Variants in SDCCAG8 observed in about 807,000 individuals in gnomAD.
SDCCAG8 encodes the protein SHH signaling and ciliogenesis regulator SDCCAG8, also known as serologically defined colon cancer antigen 8.
SDCCAG8 carries 74 observed loss-of-function variants against 101.8 expected under a neutral mutation model. The observed-to-expected ratio is 0.73, with a 90% CI of 0.60 to 0.88. SDCCAG8 has a LOEUF of 0.88. Among genes scored for constraint, SDCCAG8 ranks in the 40% least tolerant of loss-of-function variants. The pLI is 0.00. For synonymous variants in SDCCAG8, 281 were observed against 292.9 expected, an observed-to-expected ratio of 0.96 and a Z score of 0.41; for missense variants, 787 against 822.6, an observed-to-expected ratio of 0.96 and a Z score of 0.53.
chr1:243,423,118 G>C (rs2081119281), intron 15 of SDCCAG8, among the ~76,000 whole-genome samples: 1 of 151,854 alleles, frequency 6.6e-6, no homozygotes, highest in Non-Finnish European at 1.5e-5. Flanking sequence ...AAGTTGGTAG[G>C]CAAATTACAA....
Position 243,475,881 on chromosome 1 carries a change from T to C in SDCCAG8, c.1986-13133T>C, listed in dbSNP as rs576902507. 67 of 966,874 alleles carry C rather than the reference T, an allele frequency of 6.9e-5. 1 individual carries two copies. The South Asian group carries it at 3.1e-3, about 45-fold the overall frequency. The allele number at this position is 966,874 out of a possible 1,614,324, so 59.9% of individuals were successfully genotyped here. A position where few individuals can be genotyped will look rare whatever the true frequency, so the allele number is the denominator to read the frequency against. ...TGCCACTCCTCAAAAAGCAAAATTT[T>C]GCAGCCCAAATATTAAAAATTGACT... On this transcript the variant is annotated intron_variant, in intron 16 of 17. Coordinates refer to ENST00000366541, the MANE Select transcript of SDCCAG8 (RefSeq NM_006642.5).
At chr1:243,492,715 C>G (rs1387214998) in intron 17 of SDCCAG8, among the ~76,000 whole-genome samples, 3 of 144,262 alleles carry the variant, frequency 2.1e-5, no homozygotes, top group African/African-American at 7.8e-5. Context: ...TCAAGCAATT[C>G]TCCTGCCTCA....
chr1:243,340,705 C>A (rs186715424), intron 10 of SDCCAG8, among the ~76,000 whole-genome samples: 204 of 152,276 alleles, frequency 1.3e-3, no homozygotes, highest in African/African-American at 4.4e-3. Flanking sequence ...TTCTGTATCT[C>A]CTCTGAATTT....
chr1:243,256,103 T>A lies in SDCCAG8; in HGVS notation c.-71T>A. 2 of 1,458,958 alleles carry A rather than the reference T, an allele frequency of 1.4e-6. No individual in the cohort carries two copies. Among genetic ancestry groups the A allele is most frequent in the South Asian group, 1.1e-5 (1 of 87,946 alleles). 90.4% of individuals were successfully genotyped at this position (1,458,958 alleles called of 1,614,324 possible). A position where few individuals can be genotyped will look rare whatever the true frequency, so the allele number is the denominator to read the frequency against. On this transcript the variant is annotated 5_prime_UTR_variant, in exon 1 of 18. Transcript: ENST00000366541. ...GGCGGGCGCTCCCCGGCCACAGGCC[T>A]GTTGTTCTCGGAAGGGAGAAAGCTG...
chr1:243,417,773 T>C lies in SDCCAG8; in HGVS notation c.1745-195T>C, dbSNP rs73120310. On this transcript the variant is annotated intron_variant, in intron 14 of 17. Coordinates refer to ENST00000366541, the MANE Select transcript of SDCCAG8 (RefSeq NM_006642.5). ...GAAAAATGTTTCTGGTGTATAATTA[T>C]GTTGAAAATAAATGACTCCCAAGAT... Among the ~76,000 whole-genome samples the C allele has an allele frequency of 0.029, 4,436 of 152,282 alleles. 143 individuals are homozygous for C. Among genetic ancestry groups the C allele is most frequent in the African/African-American group, 0.074 (3,091 of 41,558 alleles).
chr1:243,313,786 T>C (rs1032261747), intron 8 of SDCCAG8, among the ~76,000 whole-genome samples: 2 of 152,190 alleles, frequency 1.3e-5, no homozygotes, highest in Middle Eastern at 3.2e-3. Flanking sequence ...GGGCTGGACC[T>C]GTGGATTGCG....
chr1:243,364,516 A>G (rs2076887174), intron 12 of SDCCAG8, among the ~76,000 whole-genome samples: 1 of 152,184 alleles, frequency 6.6e-6, no homozygotes, highest in Admixed American at 6.5e-5. Flanking sequence ...GTAGGTAGGT[A>G]GGTAGAGAGA....
intron 8 of SDCCAG8, 74 bp from the exon 9 acceptor site, chr1:243,316,681 T>C: frequency 6.9e-6 from 11 of 1,588,684 alleles, no homozygotes; most frequent in Non-Finnish European, 9.5e-6. Context: ...ATATTAATGC[T>C]TTTCTCTCCC....
Position 243,458,534 on chromosome 1 carries a change from TAACC to T in SDCCAG8, c.1986-30478_1986-30475del, listed in dbSNP as rs1658313779. Among the ~76,000 whole-genome samples the T allele has an allele frequency of 6.6e-6, 1 of 152,168 alleles. No individual in the cohort carries two copies. The highest frequency in any genetic ancestry group is 1.9e-4 in the East Asian group (1 of 5,202). On this transcript the variant is annotated intron_variant, in intron 16 of 17. Transcript: ENST00000366541. The surrounding 1 kb of genome is among the most constrained non-coding windows in gnomAD (Gnocchi z 4.5). ...ACCTTTTAAACCCACTGAATTTTCA[TAACC>T]ACCACATGAAGCGAGTACTAGCAAT...
chr1:243,471,079 G>A (rs1661175327), intron 16 of SDCCAG8, among the ~76,000 whole-genome samples: 1 of 152,142 alleles, frequency 6.6e-6, no homozygotes, highest in South Asian at 2.1e-4. Context: ...GGGATGGAGG[G>A]AAGAAGAAAC....
intron 16 of SDCCAG8, among the ~76,000 whole-genome samples, chr1:243,472,260 T>C (rs969625674): frequency 6.6e-6 from 1 of 152,210 alleles, no homozygotes; most frequent in Non-Finnish European, 1.5e-5. Context: ...GAAGATAAAA[T>C]GGCTAGTTGA....
At chr1:243,492,246 G>T (rs571889861) in intron 17 of SDCCAG8, among the ~76,000 whole-genome samples, 11 of 151,518 alleles carry the variant, frequency 7.3e-5, no homozygotes, top group Non-Finnish European at 1.5e-5. Context: ...CGCTGTCTGC[G>T]GTGGGCAGGA....
chr1:243,488,910 C>T, intron 16 of SDCCAG8, 104 bp from the exon 17 acceptor site: 4 of 1,561,672 alleles, frequency 2.6e-6, no homozygotes, highest in Non-Finnish European at 3.5e-6. Flanking sequence ...AGGCGTCCTG[C>T]TCATGGTTCC....
At chr1:243,278,108 T>A (rs1266440163) in intron 4 of SDCCAG8, among the ~76,000 whole-genome samples, 1 of 152,230 alleles carries the variant, frequency 6.6e-6, no homozygotes, top group Non-Finnish European at 1.5e-5. Flanking sequence ...CTATTGAGTA[T>A]CCCTATCCAT....
chr1:243,418,201 C>G (rs1489894824), intron 15 of SDCCAG8, 125 bp downstream of exon 15: 2 of 702,148 alleles, frequency 2.8e-6, no homozygotes, highest in African/African-American at 3.6e-5. Context: ...CTGATGTTTT[C>G]TTTGAAAATA....
At position 243,270,886 on chromosome 1, in the gene SDCCAG8, T is replaced by A. The variant is rs571000082; in HGVS notation, c.221-92T>A. 218 of 883,992 alleles carry A rather than the reference T, an allele frequency of 2.5e-4. No homozygotes were observed. In the African/African-American group the frequency reaches 3.2e-3, roughly 13 times the overall value. 54.8% of individuals were successfully genotyped at this position (883,992 alleles called of 1,614,324 possible). On this transcript the variant is annotated intron_variant, in intron 2 of 17. Coordinates refer to ENST00000366541, the MANE Select transcript of SDCCAG8 (RefSeq NM_006642.5). ...AGCAGAATTCTTGATGCATAATATA[T>A]CAGCAATTTTTATTAGTTGGAAGGA...
At chr1:243,328,877 C>T (rs1172807501) in intron 9 of SDCCAG8, among the ~76,000 whole-genome samples, 1 of 152,152 alleles carries the variant, frequency 6.6e-6, no homozygotes, top group Non-Finnish European at 1.5e-5. Context: ...TTTAGATCTT[C>T]AGTCTCTTCT....
intron 5 of SDCCAG8, among the ~76,000 whole-genome samples, chr1:243,289,848 A>G (rs1278098168): frequency 2.0e-5 from 3 of 152,128 alleles, no homozygotes; most frequent in Non-Finnish European, 4.4e-5. Flanking sequence ...TCCCTGGCAG[A>G]AAAGAGAAGA....
chr1:243,383,589 C>T (rs2078090575), intron 13 of SDCCAG8, among the ~76,000 whole-genome samples: 2 of 152,184 alleles, frequency 1.3e-5, no homozygotes, highest in Non-Finnish European at 1.5e-5. Flanking sequence ...CACTTAAATT[C>T]ATTGTAACTT....
Sources: allele counts gnomAD v4.1 joint callset (sites outside exome capture counted in the v4.1 genomes callset), GRCh38; gene constraint gnomAD v4.1.1; non-coding constraint Gnocchi (gnomAD v3.1); transcripts MANE v1.5; gene names NCBI Gene and HGNC (gene_info 2026-07-23, HGNC 2026-07-21).